The following DCAF6 variants were observed in gnomAD, a reference collection of about 807,000 sequenced individuals.
DCAF6 encodes the protein DDB1 and CUL4 associated factor 6.
In DCAF6, 54 loss-of-function variants were observed where a neutral mutation model predicts 125.1. That is an observed-to-expected ratio of 0.43 (90% confidence interval 0.35 to 0.54). The LOEUF (loss-of-function observed/expected upper bound fraction) is 0.54, where lower values mean the gene tolerates loss of function less well. Ranked by LOEUF, DCAF6 falls within the 20% of genes least tolerant of loss-of-function variation. The probability of loss-of-function intolerance (pLI) is 0.01; values close to 1 mark genes in which losing one functional copy is unlikely to be tolerated. For synonymous variants in DCAF6, 371 were observed against 390.4 expected (o/e 0.95, Z 0.58); for missense variants, 934 against 1,161.7 (o/e 0.80, Z 2.85).
At chr1:168,014,884 C>T (rs1470157004) in intron 10 of DCAF6, among the ~76,000 whole-genome samples, 2 of 152,122 alleles carry the variant, frequency 1.3e-5, no homozygotes, top group Non-Finnish European at 2.9e-5. Flanking sequence ...TCCTGAGTTG[C>T]CATATATAAA....
intron 1 of DCAF6, among the ~76,000 whole-genome samples, chr1:167,945,758 C>G (rs1293700083): frequency 6.6e-6 from 1 of 151,074 alleles, no homozygotes; most frequent in African/African-American, 2.4e-5. Flanking sequence ...CCTTGGCCTC[C>G]CAAAGTGCTG....
At chr1:167,887,018 A>G in the DCAF6 span, among the ~76,000 whole-genome samples, 1 of 152,214 alleles carries the variant, frequency 6.6e-6, no homozygotes, top group African/African-American at 2.4e-5. Flanking sequence ...ACCAGTTAGA[A>G]TGGCAATCAT....
At chr1:167,998,017 T>A (rs1480707236) in intron 7 of DCAF6, among the ~76,000 whole-genome samples, 1 of 152,114 alleles carries the variant, frequency 6.6e-6, no homozygotes, top group Non-Finnish European at 1.5e-5. Context: ...TTGACAAACA[T>A]GTAGAGAAAT....
intron 1 of DCAF6, among the ~76,000 whole-genome samples, chr1:167,943,116 A>C (rs1216650417): frequency 6.6e-6 from 1 of 152,132 alleles, no homozygotes; most frequent in Non-Finnish European, 1.5e-5. Context: ...TCACCGCGTT[A>C]GCCAGGATGG....
chr1:168,007,454 A>G (rs936061063), intron 10 of DCAF6, among the ~76,000 whole-genome samples: 5 of 151,776 alleles, frequency 3.3e-5, no homozygotes, highest in African/African-American at 9.7e-5. Context: ...TTTTCTTGCC[A>G]TCCTTCATTT....
the DCAF6 span, among the ~76,000 whole-genome samples, chr1:167,866,328 C>T: frequency 1.3e-5 from 2 of 152,154 alleles, no homozygotes; most frequent in South Asian, 4.1e-4. Context: ...ACGAGGAATA[C>T]CAGATCAATT....
chr1:167,992,363 T>C (rs919560354), intron 6 of DCAF6, among the ~76,000 whole-genome samples: 2 of 152,032 alleles, frequency 1.3e-5, no homozygotes, highest in Admixed American at 6.6e-5. Context: ...ACCAACAATG[T>C]CAGTAAAGAT....
At chr1:168,075,157 G>A (rs1302045090) in intron 21 of DCAF6, among the ~76,000 whole-genome samples, 1 of 152,084 alleles carries the variant, frequency 6.6e-6, no homozygotes, top group Non-Finnish European at 1.5e-5. Context: ...TTAGGAGTGG[G>A]TTTCTTTTTT....
Position 168,004,739 on chromosome 1 carries a change from A to G in DCAF6, c.1324A>G (p.Ser442Gly), listed in dbSNP as rs1683114074. The G allele has an allele frequency of 5.6e-6, 9 of 1,613,998 alleles. 1 individual carries two copies. In the East Asian group the frequency reaches 2.0e-4, roughly 36 times the overall value. The change falls in exon 10 of 22, where the codon AGT becomes GGT. Residue 442 changes from serine to glycine, a missense_variant. Ser to Gly is a moderately conservative substitution (Grantham distance 56, BLOSUM62 0). Transcript: ENST00000367840. ...TACTCCTTTGCTATCTTCTCCAGAC[A>G]GTGAACAAAGGCAGTCTGTTGAGGC... is the stretch of plus-strand genomic sequence containing the variant. ...HSTPLLSSPD[S>G]EQRQSVEASG...
intron 12 of DCAF6, among the ~76,000 whole-genome samples, chr1:168,032,903 T>C (rs1291002664): frequency 6.6e-6 from 1 of 152,220 alleles, no homozygotes; most frequent in African/African-American, 2.4e-5. Context: ...ATGAGATAGA[T>C]TCTCCAGGGG....
At chr1:168,002,859 G>T (rs1016326766) in intron 8 of DCAF6, among the ~76,000 whole-genome samples, 1 of 152,060 alleles carries the variant, frequency 6.6e-6, no homozygotes, top group Non-Finnish European at 1.5e-5. Context: ...CCCATAGTAC[G>T]TTGGGTATTG....
At chr1:168,031,224 C>T (rs1687044058) in intron 12 of DCAF6, among the ~76,000 whole-genome samples, 1 of 152,036 alleles carries the variant, frequency 6.6e-6, no homozygotes, top group Non-Finnish European at 1.5e-5. Context: ...TAAAACATCT[C>T]AAGAAAAATC....
chr1:167,906,829 A>G, the DCAF6 span, among the ~76,000 whole-genome samples: 1 of 152,016 alleles, frequency 6.6e-6, no homozygotes, highest in East Asian at 1.9e-4. Flanking sequence ...GGTACAAGAA[A>G]ATTGAATGTC....
At chr1:167,945,125 T>C (rs1672859882) in intron 1 of DCAF6, among the ~76,000 whole-genome samples, 1 of 152,190 alleles carries the variant, frequency 6.6e-6, no homozygotes, top group African/African-American at 2.4e-5. Flanking sequence ...GTTAGTATAG[T>C]CTTGTAATAT....
At chr1:167,883,354 T>C in the DCAF6 span, 6 of 1,491,562 alleles carry the variant, frequency 4.0e-6, no homozygotes, top group Non-Finnish European at 5.6e-6. Context: ...TTAAATTTCC[T>C]GTGTCTATTC....
At chr1:168,055,786 T>A in intron 17 of DCAF6, 1 of 740,656 alleles carries the variant, frequency 1.4e-6, no homozygotes, top group Non-Finnish European at 2.3e-6. Context: ...AGTAGTTTTT[T>A]TTTCCCCATC....
At chr1:167,893,877 A>T in the DCAF6 span, 1 of 1,613,512 alleles carries the variant, frequency 6.2e-7, no homozygotes, top group Non-Finnish European at 8.5e-7. Flanking sequence ...TTTCCATCAC[A>T]TACTTTTGTA....
intron 12 of DCAF6, among the ~76,000 whole-genome samples, chr1:168,024,739 G>A (rs1448654584): frequency 6.6e-6 from 1 of 151,486 alleles, no homozygotes; most frequent in Non-Finnish European, 1.5e-5. Context: ...GGGAGGCGGA[G>A]GTTACAGTGA....
chr1:168,062,336 T>C (rs1358635231), intron 17 of DCAF6, among the ~76,000 whole-genome samples: 1 of 152,158 alleles, frequency 6.6e-6, no homozygotes, highest in East Asian at 1.9e-4. Flanking sequence ...GGGCCTGTTT[T>C]GTTTGCAAAA....
Sources: allele counts gnomAD v4.1 joint callset (sites outside exome capture counted in the v4.1 genomes callset), GRCh38; gene constraint gnomAD v4.1.1; transcripts MANE v1.5; gene names NCBI Gene and HGNC (gene_info 2026-07-23, HGNC 2026-07-21).